Variants in GARNL3 observed in about 807,000 individuals in gnomAD.
The protein encoded by GARNL3 is GTPase-activating Rap/Ran-GAP domain-like protein 3.
In GARNL3, 63 loss-of-function variants were observed where a neutral mutation model predicts 125.0. The ratio of observed to expected loss-of-function variants is 0.50; its 90% CI spans 0.41 to 0.62. GARNL3 has a LOEUF of 0.62. Among genes scored for constraint, GARNL3 ranks in the 20% least tolerant of loss-of-function variants. The probability of loss-of-function intolerance (pLI) is 0.00; values close to 1 mark genes in which losing one functional copy is unlikely to be tolerated. For synonymous variants in GARNL3, 439 were observed against 457.5 expected (o/e 0.96, Z 0.52); for missense variants, 994 against 1,244.0 (o/e 0.80, Z 3.02).
chr9:127,273,345 T>G (rs1322919811), intron 1 of GARNL3, among the ~76,000 whole-genome samples: 1 of 152,218 alleles, frequency 6.6e-6, no homozygotes, highest in Non-Finnish European at 1.5e-5. Context: ...TTAGGTTGAT[T>G]GTTAGAACAA....
chr9:127,361,262 A>AT (rs956166638), intron 21 of GARNL3, among the ~76,000 whole-genome samples: 3 of 148,094 alleles, frequency 2.0e-5, no homozygotes, highest in Non-Finnish European at 4.5e-5. Context: ...ATTACTTTTT[A>AT]TTTTTTTTAA....
rs1292775366 is a variant in GARNL3, at chr9:127,392,469, G to A, written c.2871-614G>A. Among the ~76,000 whole-genome samples, 5 of 152,246 alleles carry A rather than the reference G, an allele frequency of 3.3e-5. No homozygotes were observed. The highest frequency in any genetic ancestry group is 2.0e-4 in the Admixed American group (3 of 15,282). On this transcript the variant is annotated intron_variant, in intron 27 of 27. Coordinates refer to ENST00000373387, the MANE Select transcript of GARNL3 (RefSeq NM_032293.5). This position sits in a 1 kb window ranked among gnomAD's most constrained non-coding sequence, Gnocchi z 5.2. ...ACCTCAGGGCAAGGGCCCCGAAGCA[G>A]GCCTAGCATGGCCAGTTAAAAGGCA...
intron 25 of GARNL3, among the ~76,000 whole-genome samples, chr9:127,387,721 C>T (rs1416577730): frequency 1.3e-4 from 17 of 134,064 alleles, no homozygotes; most frequent in South Asian, 6.9e-4. Flanking sequence ...CCAGCCTGGG[C>T]GATAGAGCGA....
chr9:127,327,589 G>A (rs374779650), intron 7 of GARNL3, among the ~76,000 whole-genome samples: 1 of 152,088 alleles, frequency 6.6e-6, no homozygotes, highest in African/African-American at 2.4e-5. Context: ...TTTTAAGAGA[G>A]GGTCTCGCTA....
At chr9:127,389,309 T>TAA in intron 26 of GARNL3, among the ~76,000 whole-genome samples, 190 bp downstream of exon 26, 1 of 152,364 alleles carries the variant, frequency 6.6e-6, no homozygotes, top group East Asian at 1.9e-4. Flanking sequence ...GTGATGTTGT[T>TAA]GATCTATATT....
At chr9:127,234,225 A>T (rs1413099052) in intron 1 of GARNL3, among the ~76,000 whole-genome samples, 11 of 152,208 alleles carry the variant, frequency 7.2e-5, no homozygotes, top group Admixed American at 7.2e-4. Flanking sequence ...ATTCACTAAG[A>T]TTTTAAATTA....
chr9:127,334,944 A>G (rs1829468610), intron 9 of GARNL3, among the ~76,000 whole-genome samples: 1 of 152,226 alleles, frequency 6.6e-6, no homozygotes, highest in African/African-American at 2.4e-5. Flanking sequence ...CAGCAACTGC[A>G]AGGCAAGGAA....
intron 1 of GARNL3, among the ~76,000 whole-genome samples, chr9:127,273,266 G>A (rs954180633): frequency 2.0e-5 from 3 of 152,098 alleles, no homozygotes; most frequent in Non-Finnish European, 2.9e-5. Context: ...GAGCCCCTGC[G>A]CTTAATCTCT....
intron 1 of GARNL3, among the ~76,000 whole-genome samples, chr9:127,226,736 G>A (rs1161701771): frequency 6.6e-6 from 1 of 152,148 alleles, no homozygotes; most frequent in African/African-American, 2.4e-5. Flanking sequence ...ACATAACACT[G>A]CGTGTAGTTA....
intron 21 of GARNL3, chr9:127,363,160 G>C (rs983308903): frequency 2.6e-5 from 4 of 152,454 alleles, no homozygotes; most frequent in African/African-American, 4.8e-5. Flanking sequence ...GAGGGTGAGG[G>C]ACACTCTGCA....
chr9:127,245,562 A>T (rs530877583), intron 2 of GARNL3: 1 of 152,234 alleles, frequency 6.6e-6, no homozygotes, highest in East Asian at 1.9e-4. Context: ...TAGGGACCGG[A>T]CTTGAAACCA....
In GARNL3 at chr9:127,284,245, G is replaced by A. The variant is rs145250376; in HGVS notation, c.145-6923G>A. ...TCTTTCTTAAAATATTTTTCATTGT[G>A]TATGTTTTCCTAGAAAATTTGCCAT... On this transcript the variant is annotated intron_variant, in intron 1 of 27. Coordinates refer to ENST00000373387, the MANE Select transcript of GARNL3 (RefSeq NM_032293.5). Among the ~76,000 whole-genome samples, 15 of 152,246 alleles carry A rather than the reference G, an allele frequency of 9.9e-5. No individual in the cohort carries two copies. The East Asian group carries it at 2.9e-3, about 29-fold the overall frequency.
At chr9:127,356,236 C>T (rs1354004296) in intron 20 of GARNL3, among the ~76,000 whole-genome samples, 4 of 152,110 alleles carry the variant, frequency 2.6e-5, no homozygotes, top group South Asian at 2.1e-4. Context: ...AGGCCTGCCA[C>T]GAGACCAGTG....
chr9:127,301,030 C>T (rs1368821016), intron 2 of GARNL3: 1 of 173,874 alleles, frequency 5.8e-6, no homozygotes, highest in African/African-American at 2.4e-5. Flanking sequence ...TGAAGCGACA[C>T]ATGGAACTAT....
At chr9:127,332,047 C>T (rs574946924) in intron 7 of GARNL3, among the ~76,000 whole-genome samples, 71 of 151,962 alleles carry the variant, frequency 4.7e-4, no homozygotes, top group African/African-American at 1.6e-3. Context: ...TACAAATGAA[C>T]GAATTCATAA....
intron 1 of GARNL3, among the ~76,000 whole-genome samples, chr9:127,279,742 T>C (rs913052414): frequency 3.3e-5 from 5 of 152,208 alleles, no homozygotes; most frequent in Non-Finnish European, 7.3e-5. Flanking sequence ...CATTTTTTCA[T>C]AGCCCCCATT....
chr9:127,388,681 T>C, intron 25 of GARNL3: 1 of 570,922 alleles, frequency 1.8e-6, no homozygotes, highest in Non-Finnish European at 3.1e-6. Context: ...CAGTCACGAG[T>C]GCATTTTACC....
chr9:127,277,087 C>T (rs1272864466), intron 1 of GARNL3, among the ~76,000 whole-genome samples: 1 of 152,216 alleles, frequency 6.6e-6, no homozygotes, highest in Non-Finnish European at 1.5e-5. Flanking sequence ...CAGTGCCCCT[C>T]AAACTTGATT....
In GARNL3 at chr9:127,336,251, T is replaced by C. The variant is rs774590646; in HGVS notation, c.982+15T>C. ...CCACTTTACACGTATCCTGGGCCTTTGTAAATGCTCCAGTGTGGCAAGCTG... is the reference window on the plus strand; with the variant it reads ...CCACTTTACACGTATCCTGGGCCTTCGTAAATGCTCCAGTGTGGCAAGCTG... On this transcript the variant is annotated intron_variant, in intron 11 of 27. Transcript: ENST00000373387. 5.1e-6 allele frequency: 8 copies of C among 1,572,414 alleles called. No homozygotes were observed. The East Asian group carries it at 1.8e-4, about 35-fold the overall frequency.
Sources: gnomAD v4.1 joint callset for allele counts (sites outside exome capture counted in the v4.1 genomes callset) on GRCh38, gnomAD v4.1.1 for gene constraint, Gnocchi (gnomAD v3.1) non-coding constraint, MANE v1.5 for transcripts, NCBI Gene and HGNC (gene_info 2026-07-23, HGNC 2026-07-21) for gene names.